The following ADGB variants were observed in gnomAD, a reference collection of about 807,000 sequenced individuals.
The protein encoded by ADGB is calpain-7-like protein.
A neutral mutation model predicts 210.5 loss-of-function variants in ADGB; 172 were observed. The observed-to-expected ratio is 0.82, with a 90% CI of 0.72 to 0.93. ADGB has a LOEUF of 0.93. Ranked by LOEUF, ADGB falls within the 40% of genes least tolerant of loss-of-function variation. The probability of loss-of-function intolerance (pLI) is 0.00; values close to 1 mark genes in which losing one functional copy is unlikely to be tolerated. For synonymous variants in ADGB, 658 were observed against 662.7 expected, an observed-to-expected ratio of 0.99 and a Z score of 0.11; for missense variants, 2,025 against 1,964.8, an observed-to-expected ratio of 1.03 and a Z score of -0.58.
At position 146,656,871 on chromosome 6, in the gene ADGB, T is replaced by C. The variant is rs948140584; in HGVS notation, c.503T>C (p.Leu168Pro). Residue 168 changes from leucine to proline, a missense_variant, in exon 5 of 36, where the codon CTT (leucine) becomes CCT (proline). Physicochemically the swap from Leu to Pro is moderately conservative, Grantham distance 98. Transcript: ENST00000397944. Reference sequence around the variant, plus strand: ...AAGGGGACTTCAGGGGAACCTCCTCTTCTCCCCTGGAAGCCCTGGGAACAC... The same window carrying C: ...AAGGGGACTTCAGGGGAACCTCCTCCTCTCCCCTGGAAGCCCTGGGAACAC... ...YFKGTSGEPP[L>P]LPWKPWEHIY... The C allele has an allele frequency of 9.7e-6, 15 of 1,551,292 alleles. No homozygotes were observed. The highest frequency in any genetic ancestry group is 4.9e-5 in the East Asian group (2 of 40,898).
intron 1 of ADGB, among the ~76,000 whole-genome samples, chr6:146,615,833 T>TTCCATA (rs1328114944): frequency 6.6e-6 from 1 of 152,250 alleles, no homozygotes; most frequent in African/African-American, 2.4e-5. Flanking sequence ...TGTAAGTTGA[T>TTCCATA]TCCATATCTT....
chr6:146,700,725 A>G (rs1244147154), intron 12 of ADGB, among the ~76,000 whole-genome samples: 2 of 152,292 alleles, frequency 1.3e-5, no homozygotes, highest in Non-Finnish European at 1.5e-5. Flanking sequence ...GAATTTTTAC[A>G]TCAATTTGTT....
chr6:146,699,894 C>A (rs1776465971), intron 12 of ADGB, among the ~76,000 whole-genome samples: 1 of 152,122 alleles, frequency 6.6e-6, no homozygotes. Flanking sequence ...GAGTTACTTA[C>A]TTTTTATCTT....
chr6:146,633,991 A>G (rs1281911518), intron 1 of ADGB, among the ~76,000 whole-genome samples: 2 of 152,162 alleles, frequency 1.3e-5, no homozygotes, highest in Non-Finnish European at 2.9e-5. Context: ...CTGACTCATT[A>G]AAAGCAACTT....
intron 1 of ADGB, among the ~76,000 whole-genome samples, chr6:146,629,245 G>T (rs1166645665): frequency 1.3e-5 from 2 of 152,156 alleles, no homozygotes; most frequent in African/African-American, 4.8e-5. Context: ...TATTCTGCCA[G>T]TGGACTTCAA....
At chr6:146,627,856 T>C (rs1366584629) in intron 1 of ADGB, among the ~76,000 whole-genome samples, 3 of 152,162 alleles carry the variant, frequency 2.0e-5, no homozygotes, top group African/African-American at 7.2e-5. Context: ...CTGTGTTACC[T>C]TGCAATCTGA....
intron 28 of ADGB, among the ~76,000 whole-genome samples, chr6:146,766,939 T>C (rs557848266): frequency 2.3e-4 from 35 of 152,314 alleles, no homozygotes; most frequent in Admixed American, 2.2e-3. Context: ...TATTAGTCAC[T>C]ACAGTAATAC....
At chr6:146,669,636 A>C (rs541525289) in intron 7 of ADGB, among the ~76,000 whole-genome samples, 1 of 151,632 alleles carries the variant, frequency 6.6e-6, no homozygotes, top group African/African-American at 2.4e-5. Flanking sequence ...TCTCCTTCTT[A>C]TTTTCTGCTC....
intron 11 of ADGB, 120 bp downstream of exon 11, chr6:146,691,410 T>C: frequency 1.1e-5 from 1 of 92,312 alleles, no homozygotes; most frequent in Non-Finnish European, 1.8e-5. Flanking sequence ...AGCCTATGTT[T>C]AATATATATA....
intron 29 of ADGB, among the ~76,000 whole-genome samples, chr6:146,775,493 A>G (rs1178624709): frequency 6.6e-6 from 1 of 152,184 alleles, no homozygotes; most frequent in African/African-American, 2.4e-5. Flanking sequence ...GAGAACCTTG[A>G]GCAGATAGTA....
At chr6:146,799,588 G>GAGAGAGGGAGAGAGGGAGGAAGGGA (rs1778095726) in intron 33 of ADGB, among the ~76,000 whole-genome samples, 2 of 147,272 alleles carry the variant, frequency 1.4e-5, no homozygotes, top group South Asian at 4.6e-4. Flanking sequence ...GGCAGGGAGG[G>GAGAGAGGGAGAGAGGGAGGAAGGGA]AGAGAGGGAG....
intron 13 of ADGB, among the ~76,000 whole-genome samples, chr6:146,714,985 T>A (rs973523195): frequency 3.9e-5 from 6 of 152,228 alleles, no homozygotes; most frequent in Non-Finnish European, 8.8e-5. Flanking sequence ...ATTTTTATAA[T>A]TGAAATCAGC....
intron 35 of ADGB, chr6:146,807,866 G>A: frequency 5.0e-6 from 1 of 199,070 alleles, no homozygotes; most frequent in Non-Finnish European, 1.0e-5. Context: ...AATTAGAAGT[G>A]AAACAAGTTC....
chr6:146,744,252 A>G (rs887063490), intron 25 of ADGB, among the ~76,000 whole-genome samples: 1 of 152,150 alleles, frequency 6.6e-6, no homozygotes, highest in Non-Finnish European at 1.5e-5. Context: ...GGCCGACTAG[A>G]TAATGTCTAA....
chr6:146,659,301 G>C (rs1201920233), intron 5 of ADGB, among the ~76,000 whole-genome samples: 4 of 152,086 alleles, frequency 2.6e-5, no homozygotes, highest in African/African-American at 9.7e-5. Flanking sequence ...TCTTGATTCA[G>C]TACAATACAC....
At chr6:146,690,332 T>A (rs1776285871) in intron 10 of ADGB, among the ~76,000 whole-genome samples, 1 of 152,220 alleles carries the variant, frequency 6.6e-6, no homozygotes, top group South Asian at 2.1e-4. Flanking sequence ...AAAACAGTTA[T>A]TGACAAAATC....
intron 18 of ADGB, chr6:146,724,767 C>A (rs1224587361): frequency 6.6e-6 from 1 of 152,210 alleles, no homozygotes; most frequent in South Asian, 2.1e-4. Context: ...TTTCCCCTAC[C>A]AATCTAGATT....
Position 146,782,178 on chromosome 6 carries a change from C to T in ADGB, c.4021C>T (p.Arg1341Cys), listed in dbSNP as rs1016114349. The T allele has an allele frequency of 3.6e-5, 55 of 1,533,246 alleles. No homozygotes were observed. The highest frequency in any genetic ancestry group is 4.4e-5 in the Non-Finnish European group (50 of 1,141,252). 95.0% of individuals were successfully genotyped at this position (1,533,246 alleles called of 1,614,324 possible). A position where few individuals can be genotyped will look rare whatever the true frequency, so the allele number is the denominator to read the frequency against. The change falls in exon 30 of 36, where the codon CGC (arginine) becomes TGC (cysteine). Residue 1341 changes from arginine to cysteine, a missense_variant. Physicochemically the swap from Arg to Cys is radical, Grantham distance 180. Coordinates refer to ENST00000397944, the MANE Select transcript of ADGB (RefSeq NM_024694.4). The stretch of plus-strand genomic sequence containing the variant: ...GACAGCCAAAGAAAAACAAGCACCT[C>T]GCTTTGAGCCTCAGGTGGGTGTGGA... ...EKTAKEKQAPRFEPQISTVHP... is the reference protein window; with the variant it reads ...EKTAKEKQAPCFEPQISTVHP...
At chr6:146,599,146 T>G (rs1335269023) in intron 1 of ADGB, 32 bp downstream of exon 1, 30 of 1,540,266 alleles carry the variant, frequency 1.9e-5, no homozygotes, top group Non-Finnish European at 2.5e-5. Context: ...GTCCCTCCCC[T>G]GGCCTAGCCC....
Sources: allele counts gnomAD v4.1 joint callset (sites outside exome capture counted in the v4.1 genomes callset), GRCh38; gene constraint gnomAD v4.1.1; transcripts MANE v1.5; gene names NCBI Gene and HGNC (gene_info 2026-07-23, HGNC 2026-07-21).